LDLRAD3: variants seen among roughly 807,000 people sequenced by gnomAD.
LDLRAD3 encodes low-density lipoprotein receptor class A domain-containing protein 3.
A neutral mutation model predicts 29.4 loss-of-function variants in LDLRAD3; 20 were observed. That is an observed-to-expected ratio of 0.68 (90% CI 0.48 to 0.99). LDLRAD3 has a LOEUF of 0.99. Among genes scored for constraint, LDLRAD3 ranks in the 50% least tolerant of loss-of-function variants. The pLI, the probability that LDLRAD3 is intolerant of heterozygous loss-of-function variation, is 0.00. For missense variants in LDLRAD3, 420 were observed against 454.3 expected (o/e 0.92, Z 0.69); for synonymous variants, 157 against 192.7 (o/e 0.81, Z 1.53).
intron 4 of LDLRAD3, among the ~76,000 whole-genome samples, chr11:36,143,201 C>A (rs1854112455): frequency 6.6e-6 from 1 of 152,172 alleles, no homozygotes; most frequent in African/African-American, 2.4e-5. Context: ...GAACCCAATT[C>A]TGTCTGTGAG....
At chr11:35,996,524 A>G (rs560214087) in intron 1 of LDLRAD3, among the ~76,000 whole-genome samples, 65 of 152,370 alleles carry the variant, frequency 4.3e-4, no homozygotes, top group African/African-American at 1.5e-3. Context: ...GAAGTGGCAC[A>G]CGAGGTTGGA....
At chr11:36,060,698 T>C (rs2133233120) in intron 2 of LDLRAD3, among the ~76,000 whole-genome samples, 1 of 152,356 alleles carries the variant, frequency 6.6e-6, no homozygotes, top group Non-Finnish European at 1.5e-5. Context: ...CTTCTAATGT[T>C]CTGGATACTT....
intron 4 of LDLRAD3, among the ~76,000 whole-genome samples, chr11:36,209,353 C>CTTTTTTTTTTTTTTTTTTTTTTTTTT: frequency 1.5e-5 from 1 of 68,604 alleles, no homozygotes; most frequent in Non-Finnish European, 2.7e-5. Flanking sequence ...AGAAACTGTA[C>CTTTTTTTTTTTTTTTTTTTTTTTTTT]TTTTTTTTTT....
chr11:36,094,598 C>T (rs770954590), intron 3 of LDLRAD3, among the ~76,000 whole-genome samples: 20 of 152,282 alleles, frequency 1.3e-4, no homozygotes, highest in East Asian at 1.9e-4. Flanking sequence ...TGCAGTGGCA[C>T]GGACTCGGCT....
intron 2 of LDLRAD3, among the ~76,000 whole-genome samples, chr11:36,039,770 C>T (rs1852357137): frequency 6.6e-6 from 1 of 152,210 alleles, no homozygotes; most frequent in African/African-American, 2.4e-5. Context: ...AACCATCCCT[C>T]TATGTTTCAG....
At chr11:35,994,027 A>G (rs895070209) in intron 1 of LDLRAD3, among the ~76,000 whole-genome samples, 25 of 152,270 alleles carry the variant, frequency 1.6e-4, no homozygotes, top group Admixed American at 7.2e-4. Flanking sequence ...AATGGTGCCC[A>G]TCTCAGGAAC....
At chr11:36,183,457 ACT>A (rs1019158359) in intron 4 of LDLRAD3, among the ~76,000 whole-genome samples, 84 of 152,320 alleles carry the variant, frequency 5.5e-4, no homozygotes, top group African/African-American at 2.0e-3. Flanking sequence ...AATATTGCAC[ACT>A]CTGTCCAGCT....
intron 4 of LDLRAD3, among the ~76,000 whole-genome samples, chr11:36,110,770 G>A (rs1285558057): frequency 6.6e-6 from 1 of 152,236 alleles, no homozygotes; most frequent in African/African-American, 2.4e-5. Context: ...ATAGCCTGCA[G>A]ATAATTACCC....
At chr11:36,047,493 T>C (rs542775341) in intron 2 of LDLRAD3, among the ~76,000 whole-genome samples, 1 of 152,336 alleles carries the variant, frequency 6.6e-6, no homozygotes, top group South Asian at 2.1e-4. Context: ...AGTAGCATGC[T>C]TTGCACTCAG....
intron 1 of LDLRAD3, among the ~76,000 whole-genome samples, chr11:36,013,320 G>A (rs972723827): frequency 2.0e-5 from 3 of 151,972 alleles, no homozygotes; most frequent in Admixed American, 1.3e-4. Flanking sequence ...TTTAAGTTCC[G>A]AGATACATGT....
intron 3 of LDLRAD3, among the ~76,000 whole-genome samples, chr11:36,092,121 C>T (rs1020515925): frequency 4.2e-4 from 64 of 152,152 alleles, no homozygotes; most frequent in African/African-American, 1.5e-3. Flanking sequence ...TGAGACGTAT[C>T]GAATCTTGGC....
At chr11:35,951,416 C>A (rs897092181) in intron 1 of LDLRAD3, among the ~76,000 whole-genome samples, 1 of 152,186 alleles carries the variant, frequency 6.6e-6, no homozygotes, top group Non-Finnish European at 1.5e-5. Context: ...TGCGTCACAT[C>A]TGTCTCCTGT....
intron 1 of LDLRAD3, among the ~76,000 whole-genome samples, chr11:36,013,298 CTTT>C (rs528922533): frequency 6.6e-6 from 1 of 151,136 alleles, no homozygotes; most frequent in African/African-American, 2.4e-5. Context: ...TCTTCTTCTT[CTTT>C]TTTTTTACTT....
At chr11:36,077,058 C>T (rs983323130) in intron 2 of LDLRAD3, among the ~76,000 whole-genome samples, 3 of 152,102 alleles carry the variant, frequency 2.0e-5, no homozygotes, top group Non-Finnish European at 2.9e-5. Context: ...TAAAATACTA[C>T]CGTAGTTCTA....
intron 4 of LDLRAD3, among the ~76,000 whole-genome samples, chr11:36,226,654 C>T (rs1855503438): frequency 6.6e-6 from 1 of 152,200 alleles, no homozygotes; most frequent in Admixed American, 6.5e-5. Context: ...TCCCGTCACC[C>T]CAACAAGATT....
chr11:36,071,078 T>TC (rs1478483277), intron 2 of LDLRAD3, among the ~76,000 whole-genome samples: 1 of 151,992 alleles, frequency 6.6e-6, no homozygotes, highest in African/African-American at 2.4e-5. Flanking sequence ...GACAGGAGTG[T>TC]CCCCTACTTT....
Position 36,106,098 on chromosome 11 carries a change from C to T in LDLRAD3, c.454+7637C>T, listed in dbSNP as rs535587452. 6.6e-5 allele frequency among the ~76,000 whole-genome samples: 10 copies of T among 152,254 alleles called. No individual in the cohort carries two copies. In the East Asian group the frequency reaches 1.7e-3, roughly 26 times the overall value. ...GCAGGGAGAGCTGGAAGTAAAGAAT[C>T]GCCTCGGTAAGGAGAGCTGCTAGTA... is the stretch of plus-strand genomic sequence containing the variant. On this transcript the variant is annotated intron_variant, in intron 4 of 5. Coordinates refer to ENST00000315571, the MANE Select transcript of LDLRAD3 (RefSeq NM_174902.4).
At chr11:36,007,374 G>A (rs1851898280) in intron 1 of LDLRAD3, among the ~76,000 whole-genome samples, 3 of 152,112 alleles carry the variant, frequency 2.0e-5, no homozygotes, top group Non-Finnish European at 4.4e-5. Flanking sequence ...TCTACTGGCC[G>A]GTATTGTAGG....
intron 4 of LDLRAD3, among the ~76,000 whole-genome samples, chr11:36,108,764 C>A (rs191748778): frequency 1.3e-5 from 2 of 152,114 alleles, no homozygotes; most frequent in Non-Finnish European, 2.9e-5. Context: ...GGGTGGATGT[C>A]AAAGAAAAGC....
Sources: gnomAD v4.1 joint callset for allele counts (sites outside exome capture counted in the v4.1 genomes callset) on GRCh38, gnomAD v4.1.1 for gene constraint, MANE v1.5 for transcripts, NCBI Gene and HGNC (gene_info 2026-07-23, HGNC 2026-07-21) for gene names.